Variants in PIAS2 observed in about 807,000 individuals in gnomAD.
The protein encoded by PIAS2 is E3 SUMO-protein ligase PIAS2.
PIAS2 carries 19 observed loss-of-function variants against 69.7 expected under a neutral mutation model. The ratio of observed to expected loss-of-function variants is 0.27; its 90% CI spans 0.19 to 0.40. PIAS2 has a LOEUF of 0.40. PIAS2 is among the 10% of genes least tolerant of loss of function. The pLI is 1.00. For synonymous variants in PIAS2, 261 were observed against 263.2 expected (o/e 0.99, Z 0.08); for missense variants, 624 against 757.0 (o/e 0.82, Z 2.06).
chr18:46,893,191 T>C (rs1435430267), intron 1 of PIAS2, among the ~76,000 whole-genome samples: 1 of 152,202 alleles, frequency 6.6e-6, no homozygotes. Context: ...AACAGCTTCT[T>C]GGGAAGGGTT....
In PIAS2 at chr18:46,817,411, A is replaced by G. The variant is rs2041675795; in HGVS notation, c.1649-2062T>C. On this transcript the variant is annotated intron_variant, in intron 12 of 13. Coordinates refer to ENST00000585916, the MANE Select transcript of PIAS2 (RefSeq NM_004671.5). Reference sequence around the variant, plus strand: ...ATATCAAGCCTATTTATTTTAATTGAAATTAAAAATTGAAGCTCTATCACC... The same window carrying G: ...ATATCAAGCCTATTTATTTTAATTGGAATTAAAAATTGAAGCTCTATCACC... 5.2e-6 allele frequency: 5 copies of G among 964,966 alleles called. No individual in the cohort carries two copies. In the South Asian group the frequency reaches 2.4e-4, roughly 46 times the overall value. 59.8% of individuals were successfully genotyped at this position (964,966 alleles called of 1,614,324 possible).
intron 12 of PIAS2, chr18:46,816,054 A>G: frequency 1.0e-6 from 1 of 984,484 alleles, no homozygotes; most frequent in African/African-American, 1.7e-5. Flanking sequence ...TAGGTCTGAA[A>G]AGTCTAGTAA....
chr18:46,815,200 T>C (rs1259490986), intron 13 of PIAS2, 112 bp downstream of exon 13: 2 of 792,570 alleles, frequency 2.5e-6, no homozygotes, highest in Non-Finnish European at 4.3e-6. Context: ...TTTCCATCAA[T>C]GTAAGTAATT....
At chr18:46,894,273 TCTTAA>T (rs1225486032) in intron 1 of PIAS2, among the ~76,000 whole-genome samples, 3 of 152,360 alleles carry the variant, frequency 2.0e-5, no homozygotes, top group African/African-American at 7.2e-5. Flanking sequence ...ACCTATTTTT[TCTTAA>T]CTTAGTCTTT....
chr18:46,876,723 G>C lies in PIAS2; in HGVS notation c.500-12475C>G, dbSNP rs2051266586. Among the ~76,000 whole-genome samples, 4 of 147,792 alleles carry C rather than the reference G, an allele frequency of 2.7e-5. No individual in the cohort carries two copies. The South Asian group carries it at 8.5e-4, about 31-fold the overall frequency. On this transcript the variant is annotated intron_variant, in intron 2 of 13. Coordinates refer to ENST00000585916, the MANE Select transcript of PIAS2 (RefSeq NM_004671.5). The stretch of plus-strand genomic sequence containing the variant: ...TTTTTTTTTTTTTTTTTGAGATGGA[G>C]TCTTGCTCTGTCACCCAGGCTGGAG...
At chr18:46,832,997 T>C (rs1310658223) in intron 9 of PIAS2, among the ~76,000 whole-genome samples, 3 of 152,018 alleles carry the variant, frequency 2.0e-5, no homozygotes, top group Non-Finnish European at 4.4e-5. Flanking sequence ...GTACAACCGC[T>C]TTGGAAAACA....
At chr18:46,829,653 C>T (rs989330762) in intron 10 of PIAS2, 81 bp downstream of exon 10, 123 of 1,222,266 alleles carry the variant, frequency 1.0e-4, no homozygotes, top group Non-Finnish European at 1.2e-4. Flanking sequence ...GAATTCCAAA[C>T]GTATAGTTCT....
intron 1 of PIAS2, among the ~76,000 whole-genome samples, chr18:46,916,495 CACTT>C (rs1044792268): frequency 1.3e-5 from 2 of 152,058 alleles, no homozygotes; most frequent in African/African-American, 2.4e-5. Flanking sequence ...TCATTCGTCA[CACTT>C]AGTTAGGACT....
intron 2 of PIAS2, among the ~76,000 whole-genome samples, chr18:46,880,039 T>G (rs1362842281): frequency 6.6e-6 from 1 of 151,306 alleles, no homozygotes; most frequent in Non-Finnish European, 1.5e-5. Context: ...ATTAATATAC[T>G]TCATGCCACT....
intron 2 of PIAS2, among the ~76,000 whole-genome samples, chr18:46,869,915 T>C (rs373277151): frequency 6.6e-6 from 1 of 151,998 alleles, no homozygotes; most frequent in South Asian, 2.1e-4. Context: ...CTAAAAGCTA[T>C]AGGAAGTAAG....
chr18:46,823,879 A>C (rs1209499819), intron 11 of PIAS2, among the ~76,000 whole-genome samples: 1 of 152,206 alleles, frequency 6.6e-6, no homozygotes, highest in East Asian at 1.9e-4. Flanking sequence ...TCAGAAACAA[A>C]ATGATTCTAA....
At chr18:46,872,739 A>G (rs999347821) in intron 2 of PIAS2, among the ~76,000 whole-genome samples, 1 of 152,196 alleles carries the variant, frequency 6.6e-6, no homozygotes, top group Non-Finnish European at 1.5e-5. Flanking sequence ...AAAACCAAGA[A>G]AGAACTCAGA....
intron 2 of PIAS2, among the ~76,000 whole-genome samples, chr18:46,876,778 G>C (rs2051275944): frequency 1.3e-5 from 2 of 150,570 alleles, no homozygotes; most frequent in African/African-American, 4.9e-5. Flanking sequence ...CTCACTGCAA[G>C]CTCTGCCTCC....
intron 1 of PIAS2, among the ~76,000 whole-genome samples, chr18:46,913,953 A>G (rs749279699): frequency 3.9e-5 from 6 of 152,232 alleles, no homozygotes; most frequent in Non-Finnish European, 8.8e-5. Flanking sequence ...TGAGCTACCA[A>G]GCCCTGCCCT....
At position 46,807,367 on chromosome 18, in the gene PIAS2, ATATATATATATATATATTTTTTTTTTT is replaced by A. The variant is rs1299129993; in HGVS notation, c.*5039_*5065del. 28 of 23,674 alleles carry A rather than the reference ATATATATATATATATATTTTTTTTTTT, an allele frequency of 1.2e-3. 1 individual carries two copies. The highest frequency in any genetic ancestry group is 1.9e-3 in the Non-Finnish European group (23 of 11,906). 1.5% of individuals were successfully genotyped at this position (23,674 alleles called of 1,614,324 possible). A position where few individuals can be genotyped will look rare whatever the true frequency, so the allele number is the denominator to read the frequency against. On this transcript the variant is annotated 3_prime_UTR_variant, in exon 14 of 14. Coordinates refer to ENST00000585916, the MANE Select transcript of PIAS2 (RefSeq NM_004671.5). ...AACATGTCAGATTTTATATATATATATATATATATATATATATTTTTTTTTTTTTTTTTTTTTTTTTTTAGAGAGTCT... is the reference window on the plus strand; with the variant it reads ...AACATGTCAGATTTTATATATATATATTTTTTTTTTTTTTTTAGAGAGTCT...
intron 5 of PIAS2, among the ~76,000 whole-genome samples, chr18:46,847,054 G>GA (rs1343926384): frequency 6.6e-6 from 1 of 151,998 alleles, no homozygotes; most frequent in Non-Finnish European, 1.5e-5. Flanking sequence ...AGAAAGGTAG[G>GA]AAAAAAATCC....
chr18:46,859,427 CAAAAAAAAAAAAA>C (rs55776913), intron 3 of PIAS2, among the ~76,000 whole-genome samples: 25 of 89,564 alleles, frequency 2.8e-4, no homozygotes, highest in South Asian at 3.9e-4. Flanking sequence ...GACTCCGTCT[CAAAAAAAAAAAAA>C]AAAAAAAAAA....
At chr18:46,900,222 G>A (rs1395533291) in intron 1 of PIAS2, among the ~76,000 whole-genome samples, 1 of 151,918 alleles carries the variant, frequency 6.6e-6, no homozygotes, top group Non-Finnish European at 1.5e-5. Flanking sequence ...AAATTAGCTG[G>A]GTGTGGTGTG....
At chr18:46,884,502 G>A (rs1449075580) in intron 2 of PIAS2, among the ~76,000 whole-genome samples, 5 of 151,844 alleles carry the variant, frequency 3.3e-5, no homozygotes, top group East Asian at 2.0e-4. Context: ...TAGTAGAGTC[G>A]GGGTTTCACC....
Sources: allele counts gnomAD v4.1 joint callset (sites outside exome capture counted in the v4.1 genomes callset), GRCh38; gene constraint gnomAD v4.1.1; transcripts MANE v1.5; gene names NCBI Gene and HGNC (gene_info 2026-07-23, HGNC 2026-07-21).